The following PCNX4 variants were observed in gnomAD, a reference collection of about 807,000 sequenced individuals.
PCNX4 encodes pecanex-like protein 4.
Under a neutral mutation model 107.2 loss-of-function variants are expected in PCNX4, and 103 were observed. The observed-to-expected ratio is 0.96, with a 90% confidence interval of 0.82 to 1.13. PCNX4 has a LOEUF of 1.13. Ranked by LOEUF, PCNX4 falls within the 50% of genes most tolerant of loss-of-function variation. The pLI is 0.00. For missense variants in PCNX4, 1,528 were observed against 1,379.4 expected (o/e 1.11, Z -1.71); for synonymous variants, 541 against 481.7 (o/e 1.12, Z -1.61).
rs762089721 is a variant in PCNX4, at chr14:60,124,644, A to G, written c.2473A>G (p.Asn825Asp). ...SETFNDWSDD[N>D]IFDDEPTIKK... ...AACTTTTAATGACTGGTCTGATGATAATATTTTTGATGATGAGCCAACTAT... is the reference window on the plus strand; with the variant it reads ...AACTTTTAATGACTGGTCTGATGATGATATTTTTGATGATGAGCCAACTAT... The change falls in exon 9 of 11, where the codon AAT (asparagine) becomes GAT (aspartate). Residue 825 changes from asparagine (N) to aspartate (D), a missense_variant. Asn to Asp is a conservative substitution (Grantham distance 23). Coordinates refer to ENST00000406854, the MANE Select transcript of PCNX4 (RefSeq NM_001330177.2). 2 of 1,613,758 alleles carry G rather than the reference A, an allele frequency of 1.2e-6. No homozygotes were observed. Among genetic ancestry groups the G allele is most frequent in the East Asian group, 2.2e-5 (1 of 44,878 alleles).
chr14:60,115,424 G>A lies in PCNX4; in HGVS notation c.1320G>A (p.Met440Ile). The A allele has an allele frequency of 6.4e-7, 1 of 1,551,002 alleles. No individual in the cohort carries two copies. Among genetic ancestry groups the A allele is most frequent in the East Asian group, 2.3e-5 (1 of 44,382 alleles). Residue 440 changes from methionine to isoleucine, a missense_variant, in exon 4 of 11, where the codon ATG becomes ATA. Coordinates refer to ENST00000406854, the MANE Select transcript of PCNX4 (RefSeq NM_001330177.2). ...TVFFEKQTRL[M>I]KIGIVRRILL... ...TCTTTGAGAAGCAAACTAGGCTCAT[G>A]AAGATTGGTATTGTCAGACGGATTT...
At position 60,136,293 on chromosome 14, in the gene PCNX4, TCTC is replaced by T. The variant is rs1230241845; in HGVS notation, c.*2076_*2078del. The T allele has an allele frequency of 6.6e-6, 1 of 152,132 alleles. No individual in the cohort carries two copies. The highest frequency in any genetic ancestry group is 1.5e-5 in the Non-Finnish European group (1 of 68,028). 9.4% of individuals were successfully genotyped at this position (152,132 alleles called of 1,614,324 possible). A position where few individuals can be genotyped will look rare whatever the true frequency, so the allele number is the denominator to read the frequency against. ...CAACTCCTCAAACATCTTTGCTGCC[TCTC>T]CTCTTCTACCTGACCTCTAAATTTT... On this transcript the variant is annotated 3_prime_UTR_variant, in exon 11 of 11. Transcript: ENST00000406854.
rs746140338 is a variant in PCNX4, at chr14:60,124,428, T to G, written c.2257T>G (p.Leu753Val). ...LSGIIDSHEN[L>V]KEFKGDLIKV... Reference sequence around the variant, plus strand: ...AGGCATAATTGATTCTCATGAAAACTTAAAAGAATTTAAAGGTGACCTCAT... The same window carrying G: ...AGGCATAATTGATTCTCATGAAAACGTAAAAGAATTTAAAGGTGACCTCAT... The change falls in exon 9 of 11, where the codon TTA (leucine) becomes GTA (valine). Residue 753 changes from leucine (L) to valine (V), a missense_variant. Leu to Val is a conservative substitution (Grantham distance 32). Coordinates refer to ENST00000406854, the MANE Select transcript of PCNX4 (RefSeq NM_001330177.2). 1 of 1,613,622 alleles carries G rather than the reference T, an allele frequency of 6.2e-7. No individual in the cohort carries two copies. Among genetic ancestry groups the G allele is most frequent in the South Asian group, 1.1e-5 (1 of 91,066 alleles).
Position 60,125,634 on chromosome 14 carries a change from T to A in PCNX4, c.3081-3T>A, listed in dbSNP as rs1385210929. 6.9e-7 allele frequency: 1 copy of A among 1,458,430 alleles called. No homozygotes were observed. Among genetic ancestry groups the A allele is most frequent in the African/African-American group, 1.5e-5 (1 of 68,932 alleles). The allele number at this position is 1,458,430 out of a possible 1,614,324, so 90.3% of individuals were successfully genotyped here. A position where few individuals can be genotyped will look rare whatever the true frequency, so the allele number is the denominator to read the frequency against. On this transcript the variant is annotated splice_region_variant and splice_polypyrimidine_tract_variant and intron_variant, in intron 9 of 10. Transcript: ENST00000406854. ...AAATTCTTCGGTTCTCCATTTTTTTTAGGTATACTCTGAAACTAATGATTG... is the reference window on the plus strand; with the variant it reads ...AAATTCTTCGGTTCTCCATTTTTTTAAGGTATACTCTGAAACTAATGATTG...
Position 60,095,655 on chromosome 14 carries a change from C to T in PCNX4, c.-54+3236C>T, listed in dbSNP as rs76335928. Among the ~76,000 whole-genome samples, 1,149 of 152,064 alleles carry T rather than the reference C, an allele frequency of 7.6e-3. 11 individuals carry two copies. The highest frequency in any genetic ancestry group is 0.026 in the African/African-American group (1,079 of 41,464). On this transcript the variant is annotated intron_variant, in intron 1 of 10. Coordinates refer to ENST00000406854, the MANE Select transcript of PCNX4 (RefSeq NM_001330177.2). Reference sequence around the variant, plus strand: ...TGGAGAAAGCATTTTAAAAGGAAGACGAGTTCCTGGCCTCAGGTTGGTTTT... The same window carrying T: ...TGGAGAAAGCATTTTAAAAGGAAGATGAGTTCCTGGCCTCAGGTTGGTTTT...
Position 60,145,067 on chromosome 14 carries a change from T to C in PCNX4, c.*10846T>C, listed in dbSNP as rs565753300. ...AGTACCTACTCCTATTTACTCCAGT[T>C]TTTAACATTTAAGTCCTTCTGTTTT... On this transcript the variant is annotated 3_prime_UTR_variant, in exon 11 of 11. Coordinates refer to ENST00000406854, the MANE Select transcript of PCNX4 (RefSeq NM_001330177.2). The surrounding 1 kb of genome is among the most constrained non-coding windows in gnomAD (Gnocchi z 4.0). The C allele has an allele frequency of 1.0e-5, 13 of 1,267,084 alleles. No individual in the cohort carries two copies. In the Admixed American group the frequency reaches 2.6e-4, roughly 25 times the overall value. 78.5% of individuals were successfully genotyped at this position (1,267,084 alleles called of 1,614,324 possible).
At chr14:60,133,886 T>C (rs1038523080) in intron 10 of PCNX4, 84 bp from the exon 11 acceptor site, 111 of 1,364,556 alleles carry the variant, frequency 8.1e-5, no homozygotes, top group Non-Finnish European at 9.8e-5. Flanking sequence ...AATGCAATTT[T>C]TCTCTAAGTT....
Position 60,121,595 on chromosome 14 carries a change from A to T in PCNX4, c.2046+296A>T, listed in dbSNP as rs569999600. Among the ~76,000 whole-genome samples the T allele has an allele frequency of 2.6e-4, 39 of 151,624 alleles. No individual in the cohort carries two copies. The East Asian group carries it at 6.0e-3, about 23-fold the overall frequency. ...AGTGTGAATCAGTAATTTTTTTTTA[A>T]CTCCTATATCATTTAAGCATTCTCA... On this transcript the variant is annotated intron_variant, in intron 8 of 10. Transcript: ENST00000406854.
rs761894577 is a variant in PCNX4, at chr14:60,121,256, T to C, written c.2003T>C (p.Met668Thr). ...TTTCAGGATCGTTTAATGTGGATAA[T>C]GATTCTGGAATGTGGCTATACTTAC... ...GRFQDRLMWI[M>T]ILECGYTYCS... Residue 668 changes from methionine (M) to threonine (T), a missense_variant, in exon 8 of 11, where the codon ATG becomes ACG. By Grantham distance (81) the Met-to-Thr change is moderately conservative (BLOSUM62 -1). Transcript: ENST00000406854. 6.2e-7 allele frequency: 1 copy of C among 1,606,980 alleles called. No homozygotes were observed. The highest frequency in any genetic ancestry group is 8.5e-7 in the Non-Finnish European group (1 of 1,175,856).
At chr14:60,131,110 A>T (rs751733834) in intron 10 of PCNX4, among the ~76,000 whole-genome samples, 1 of 152,128 alleles carries the variant, frequency 6.6e-6, no homozygotes, top group Non-Finnish European at 1.5e-5. Context: ...CAGCCATGAA[A>T]CCACCCCGAT....
rs936632313 is a variant in PCNX4 at position 60,146,336 on chromosome 14, C to G, written c.*12115C>G. 6.6e-6 allele frequency: 1 copy of G among 152,018 alleles called. No homozygotes were observed. Among genetic ancestry groups the G allele is most frequent in the Non-Finnish European group, 1.5e-5 (1 of 67,992 alleles). 9.4% of individuals were successfully genotyped at this position (152,018 alleles called of 1,614,324 possible). A position where few individuals can be genotyped will look rare whatever the true frequency, so the allele number is the denominator to read the frequency against. ...CATATGGACATTTCTGGAAGTACTA[C>G]TACAGTGGGACTGAAATTCTCTAGT... On this transcript the variant is annotated 3_prime_UTR_variant, in exon 11 of 11. Transcript: ENST00000406854. The surrounding 1 kb of genome is among the most constrained non-coding windows in gnomAD (Gnocchi z 4.9).
At chr14:60,133,932 T>C (rs890781767) in intron 10 of PCNX4, 38 bp from the exon 11 acceptor site, 8 of 1,562,078 alleles carry the variant, frequency 5.1e-6, no homozygotes, top group South Asian at 4.7e-5. Context: ...TGGAATCTCT[T>C]TTCTTTTTCT....
At chr14:60,131,282 C>G (rs923585275) in intron 10 of PCNX4, among the ~76,000 whole-genome samples, 1 of 152,206 alleles carries the variant, frequency 6.6e-6, no homozygotes, top group African/African-American at 2.4e-5. Context: ...AAAATTGTCT[C>G]TATTCACAGC....
intron 1 of PCNX4, among the ~76,000 whole-genome samples, chr14:60,097,678 A>C (rs1895450951): frequency 6.6e-6 from 1 of 152,220 alleles, no homozygotes; most frequent in African/African-American, 2.4e-5. Context: ...GGAATACCAA[A>C]ACAACCAGAC....
At chr14:60,123,497 A>G (rs930799753) in intron 8 of PCNX4, among the ~76,000 whole-genome samples, 1 of 144,138 alleles carries the variant, frequency 6.9e-6, no homozygotes, top group African/African-American at 2.8e-5. Context: ...AAAAATATAT[A>G]AATAAGCAAT....
chr14:60,126,596 G>A (rs1171975124), intron 10 of PCNX4, among the ~76,000 whole-genome samples: 1 of 152,120 alleles, frequency 6.6e-6, no homozygotes, highest in East Asian at 1.9e-4. Flanking sequence ...CAGCAAGATG[G>A]AATCTCCCCT....
Position 60,147,323 on chromosome 14 carries a change from A to C in PCNX4, c.*13102A>C, listed in dbSNP as rs1260086354. 2 of 152,232 alleles carry C rather than the reference A, an allele frequency of 1.3e-5. No homozygotes were observed. The highest frequency in any genetic ancestry group is 2.9e-5 in the Non-Finnish European group (2 of 68,040). 9.4% of individuals were successfully genotyped at this position (152,232 alleles called of 1,614,324 possible). A position where few individuals can be genotyped will look rare whatever the true frequency, so the allele number is the denominator to read the frequency against. ...AGATTCTAAGGATCTAATATACCGC[A>C]TGGTGACTACAGTTAATAATACTGT... is the stretch of plus-strand genomic sequence containing the variant. On this transcript the variant is annotated 3_prime_UTR_variant, in exon 11 of 11. Transcript: ENST00000406854.
chr14:60,131,820 G>T (rs959110138), intron 10 of PCNX4, among the ~76,000 whole-genome samples: 2 of 152,280 alleles, frequency 1.3e-5, no homozygotes, highest in Admixed American at 1.3e-4. Flanking sequence ...AATCAAAACA[G>T]TATGGTACTG....
chr14:60,147,114 T>C lies in PCNX4; in HGVS notation c.*12893T>C, dbSNP rs1314069546. The stretch of plus-strand genomic sequence containing the variant: ...CAGGCATGGTGGTGTGCGCCTATAG[T>C]CTCAGCTACTCAGGAGGCTGGGGTG... On this transcript the variant is annotated 3_prime_UTR_variant, in exon 11 of 11. Transcript: ENST00000406854. 2 of 152,092 alleles carry C rather than the reference T, an allele frequency of 1.3e-5. No individual in the cohort carries two copies. The highest frequency in any genetic ancestry group is 3.9e-4 in the East Asian group (2 of 5,186). 9.4% of individuals were successfully genotyped at this position (152,092 alleles called of 1,614,324 possible).
Sources: allele counts gnomAD v4.1 joint callset (sites outside exome capture counted in the v4.1 genomes callset), GRCh38; gene constraint gnomAD v4.1.1; non-coding constraint Gnocchi (gnomAD v3.1); transcripts MANE v1.5; gene names NCBI Gene and HGNC (gene_info 2026-07-23, HGNC 2026-07-21).